CHD1L: variants seen among roughly 807,000 people sequenced by gnomAD.
The protein encoded by CHD1L is chromodomain helicase DNA binding protein 1 like.
Under a neutral mutation model 115.9 loss-of-function variants are expected in CHD1L, and 118 were observed. That is an observed-to-expected ratio of 1.02 (90% CI 0.88 to 1.19). CHD1L has a LOEUF of 1.19. Ranked by LOEUF, CHD1L falls within the 50% of genes most tolerant of loss-of-function variation. The pLI is 0.00. For synonymous variants in CHD1L, 411 were observed against 387.1 expected, an observed-to-expected ratio of 1.06 and a Z score of -0.72; for missense variants, 1,179 against 1,065.3, an observed-to-expected ratio of 1.11 and a Z score of -1.49.
chr1:147,219,497 A>G, the CHD1L span, among the ~76,000 whole-genome samples: 1 of 152,174 alleles, frequency 6.6e-6, no homozygotes. Flanking sequence ...TTGATAAAGA[A>G]CATCTACAAA....
rs1423913191 is a variant in CHD1L at position 147,288,393 on chromosome 1, ATATCAAAGATC to A, written c.2320+664_2320+674del. ...AAACATGAAGGAATATGTCATGAAA[ATATCAAAGATC>A]TATGGGAAGCCGGGCGTGGTGGCTC... On this transcript the variant is annotated intron_variant, in intron 19 of 22. Transcript: ENST00000369258. 5.9e-5 allele frequency among the ~76,000 whole-genome samples: 9 copies of A among 151,536 alleles called. No homozygotes were observed. The East Asian group carries it at 1.7e-3, about 29-fold the overall frequency.
the CHD1L span, chr1:147,224,953 C>G: frequency 1.9e-6 from 3 of 1,614,082 alleles, no homozygotes; most frequent in South Asian, 3.3e-5. Context: ...AGGTTCCAAG[C>G]CTTCTTCTAC....
At chr1:147,209,112 C>A in the CHD1L span, 1 of 1,440,096 alleles carries the variant, frequency 6.9e-7, no homozygotes, top group East Asian at 2.4e-5. Context: ...TCAAAAGCAC[C>A]CCCATTTTCT....
intron 21 of CHD1L, 68 bp from the exon 22 acceptor site, chr1:147,294,341 C>A: frequency 9.8e-7 from 1 of 1,024,520 alleles, no homozygotes; most frequent in Non-Finnish European, 1.4e-6. Flanking sequence ...AATTTTCTCC[C>A]ATGTGTATTT....
the CHD1L span, chr1:147,224,786 A>C: frequency 1.0e-6 from 1 of 1,001,816 alleles, no homozygotes; most frequent in Non-Finnish European, 1.5e-6. Context: ...CTAGGATTAC[A>C]GGCGTGTGCC....
In CHD1L at chr1:147,272,927, C is replaced by T. The variant is rs985485175; in HGVS notation, c.1270+646C>T. Among the ~76,000 whole-genome samples the T allele has an allele frequency of 6.8e-5, 10 of 147,694 alleles. No homozygotes were observed. In the East Asian group the frequency reaches 9.8e-4, roughly 15 times the overall value. ...GGAAAAAAAAAAAAAAAGGCCGGCA[C>T]GGTGGCCCATGCCTGTAATCCCAGC... On this transcript the variant is annotated intron_variant, in intron 12 of 22. Coordinates refer to ENST00000369258, the MANE Select transcript of CHD1L (RefSeq NM_004284.6).
At chr1:147,268,957 C>A in intron 10 of CHD1L, 79 bp downstream of exon 10, 2 of 1,069,960 alleles carry the variant, frequency 1.9e-6, no homozygotes, top group Non-Finnish European at 2.7e-6. Context: ...CTGAGTTGTT[C>A]AGGCCAATTC....
intron 19 of CHD1L, among the ~76,000 whole-genome samples, chr1:147,290,618 C>G (rs1470569375): frequency 3.3e-5 from 5 of 151,892 alleles, no homozygotes; most frequent in South Asian, 2.1e-4. Context: ...GCATTAGAAC[C>G]TTCCCTTCAT....
At chr1:147,264,861 T>C (rs1275897735) in intron 7 of CHD1L, among the ~76,000 whole-genome samples, 1 of 152,234 alleles carries the variant, frequency 6.6e-6, no homozygotes, top group Non-Finnish European at 1.5e-5. Flanking sequence ...TTGCAGACTT[T>C]TTTTTCCAAC....
At chr1:147,193,346 G>A in the CHD1L span, among the ~76,000 whole-genome samples, 3 of 151,906 alleles carry the variant, frequency 2.0e-5, no homozygotes, top group Non-Finnish European at 4.4e-5. Flanking sequence ...CTGTGGGATC[G>A]GTGGTGATAT....
intron 10 of CHD1L, among the ~76,000 whole-genome samples, chr1:147,270,311 G>A (rs139760860): frequency 6.5e-4 from 99 of 152,214 alleles, no homozygotes; most frequent in African/African-American, 2.0e-3. Flanking sequence ...TCATTTTGCC[G>A]CCTTTCTTCC....
intron 4 of CHD1L, among the ~76,000 whole-genome samples, chr1:147,256,175 G>A (rs1195023125): frequency 6.6e-6 from 1 of 152,136 alleles, no homozygotes; most frequent in Admixed American, 6.6e-5. Context: ...TGGCACTTGA[G>A]CTGCCTCTTG....
Position 147,287,686 on chromosome 1 carries a change from G to T in CHD1L, c.2273G>T (p.Arg758Leu), listed in dbSNP as rs370710748. 1.9e-5 allele frequency: 30 copies of T among 1,614,048 alleles called. No individual in the cohort carries two copies. Among genetic ancestry groups the T allele is most frequent in the Non-Finnish European group, 2.4e-5 (28 of 1,179,992 alleles). ...RGGLFTALEKRSAEPRKIYEL... is the reference protein window; with the variant it reads ...RGGLFTALEKLSAEPRKIYEL... ...GGTTTATTTACAGCTCTGGAAAAGC[G>T]ATCCGCTGAGCCAAGAAAAATATAT... Residue 758 changes from arginine (R) to leucine (L), a missense_variant, in exon 19 of 23, where the codon CGA (arginine) becomes CTA (leucine). Coordinates refer to ENST00000369258, the MANE Select transcript of CHD1L (RefSeq NM_004284.6).
At chr1:147,290,107 T>G (rs1487249524) in intron 19 of CHD1L, among the ~76,000 whole-genome samples, 1 of 152,160 alleles carries the variant, frequency 6.6e-6, no homozygotes, top group Non-Finnish European at 1.5e-5. Context: ...TTGTTTTTGT[T>G]TTTGAGATGG....
chr1:147,183,057 G>A, the CHD1L span, among the ~76,000 whole-genome samples: 1 of 152,184 alleles, frequency 6.6e-6, no homozygotes, highest in Non-Finnish European at 1.5e-5. Context: ...GATTAGCCAG[G>A]CGTGGTGGCG....
At chr1:147,201,312 A>G in the CHD1L span, 1 of 1,614,200 alleles carries the variant, frequency 6.2e-7, no homozygotes, top group African/African-American at 1.3e-5. Flanking sequence ...CTTTGACGGA[A>G]TCTTCCAGAA....
In CHD1L at chr1:147,252,461, A is replaced by G. The variant is rs183377376; in HGVS notation, c.128-162A>G. On this transcript the variant is annotated intron_variant, in intron 1 of 22. Coordinates refer to ENST00000369258, the MANE Select transcript of CHD1L (RefSeq NM_004284.6). The stretch of plus-strand genomic sequence containing the variant: ...CTGCTCAAAAAGTAGTTTGGAAGTC[A>G]GCAGATGTTTAGATATCCATAACTC... Among the ~76,000 whole-genome samples the G allele has an allele frequency of 5.3e-5, 8 of 152,364 alleles. No individual in the cohort carries two copies. In the East Asian group the frequency reaches 1.5e-3, roughly 29 times the overall value.
At chr1:147,261,414 A>G (rs1471614203) in intron 6 of CHD1L, among the ~76,000 whole-genome samples, 1 of 33,014 alleles carries the variant, frequency 3.0e-5, no homozygotes, top group Non-Finnish European at 5.9e-5. Context: ...TTTTTTTTTT[A>G]TATATAAAGG....
the CHD1L span, among the ~76,000 whole-genome samples, chr1:147,194,148 CT>C: frequency 6.6e-6 from 1 of 152,118 alleles, no homozygotes. Flanking sequence ...GTCTAAGTCT[CT>C]TTGTAGGTCA....
Sources: allele counts gnomAD v4.1 joint callset (sites outside exome capture counted in the v4.1 genomes callset), GRCh38; gene constraint gnomAD v4.1.1; transcripts MANE v1.5; gene names NCBI Gene and HGNC (gene_info 2026-07-23, HGNC 2026-07-21).